METTL15: variants seen among roughly 807,000 people sequenced by gnomAD.
The protein encoded by METTL15 is 12S rRNA N(4)-cytidine methyltransferase METTL15.
Under a neutral mutation model 38.3 loss-of-function variants are expected in METTL15, and 34 were observed. That is an observed-to-expected ratio of 0.89 (90% confidence interval 0.68 to 1.18). METTL15 has a LOEUF of 1.18. Among genes scored for constraint, METTL15 ranks in the 50% most tolerant of loss-of-function variants. METTL15 has a pLI of 0.00. For synonymous variants in METTL15, 162 were observed against 170.9 expected (o/e 0.95, Z 0.41); for missense variants, 438 against 498.4 (o/e 0.88, Z 1.15).
intron 6 of METTL15, chr11:28,526,343 C>G (rs1281845740): frequency 6.5e-6 from 1 of 154,150 alleles, no homozygotes; most frequent in East Asian, 1.9e-4. Flanking sequence ...ATGCTGTCAC[C>G]TCTCAGTTAT....
At chr11:28,326,821 T>C (rs942398168) in intron 6 of METTL15, among the ~76,000 whole-genome samples, 6 of 152,074 alleles carry the variant, frequency 3.9e-5, no homozygotes, top group African/African-American at 1.4e-4. Context: ...GGTTTCACCA[T>C]GTTGCCCAGG....
chr11:28,183,766 G>A (rs998600202), intron 3 of METTL15, among the ~76,000 whole-genome samples: 7 of 151,978 alleles, frequency 4.6e-5, no homozygotes, highest in Non-Finnish European at 7.4e-5. Flanking sequence ...GATGATGCTG[G>A]CCTCATAAAA....
At chr11:28,432,443 A>G (rs1295560677) in intron 6 of METTL15, among the ~76,000 whole-genome samples, 1 of 152,204 alleles carries the variant, frequency 6.6e-6, no homozygotes, top group Non-Finnish European at 1.5e-5. Flanking sequence ...CTCCTTGGAA[A>G]AATGTATTGG....
chr11:28,490,363 T>C (rs909281255), intron 6 of METTL15, among the ~76,000 whole-genome samples: 2 of 152,146 alleles, frequency 1.3e-5, no homozygotes, highest in Non-Finnish European at 2.9e-5. Context: ...CATTCTTACA[T>C]TGATTTTTCC....
At chr11:28,526,441 C>A (rs1851812914) in intron 6 of METTL15, 1 of 152,248 alleles carries the variant, frequency 6.6e-6, no homozygotes, top group Non-Finnish European at 1.5e-5. Context: ...TTGCTCATAG[C>A]ATTTCTTTAT....
chr11:28,132,266 A>G (rs1849363436), intron 3 of METTL15, among the ~76,000 whole-genome samples: 1 of 152,180 alleles, frequency 6.6e-6, no homozygotes, highest in African/African-American at 2.4e-5. Flanking sequence ...AAAATGGAAT[A>G]GTATAATGGT....
intron 3 of METTL15, among the ~76,000 whole-genome samples, chr11:28,179,046 TAAAAG>T (rs963316972): frequency 2.6e-5 from 4 of 151,788 alleles, no homozygotes; most frequent in African/African-American, 7.2e-5. Context: ...CAATTTATGA[TAAAAG>T]AAAACATTTC....
intron 4 of METTL15, among the ~76,000 whole-genome samples, chr11:28,272,679 G>A (rs1024753439): frequency 4.6e-5 from 7 of 152,036 alleles, no homozygotes; most frequent in African/African-American, 1.7e-4. Context: ...TAACAAACCT[G>A]CACATTCTGC....
At chr11:28,226,017 A>G (rs1274862776) in intron 4 of METTL15, among the ~76,000 whole-genome samples, 1 of 151,976 alleles carries the variant, frequency 6.6e-6, no homozygotes, top group African/African-American at 2.4e-5. Context: ...TCAGCTAATT[A>G]GAAGTTATCT....
chr11:28,168,181 C>T (rs1850721437), intron 3 of METTL15, among the ~76,000 whole-genome samples: 1 of 151,814 alleles, frequency 6.6e-6, no homozygotes, highest in Admixed American at 6.6e-5. Context: ...TTGAACACTT[C>T]TATATTCAGG....
At chr11:28,412,444 CGA>C (rs369213584) in intron 5 of METTL15, among the ~76,000 whole-genome samples, 17 of 146,380 alleles carry the variant, frequency 1.2e-4, no homozygotes, top group South Asian at 2.2e-4. Flanking sequence ...AGAGACCAAA[CGA>C]GAGAGAGAGA....
chr11:28,363,664 T>C (rs961886991), intron 5 of METTL15, among the ~76,000 whole-genome samples: 10 of 152,250 alleles, frequency 6.6e-5, no homozygotes, highest in African/African-American at 2.4e-4. Context: ...GTAATTTATA[T>C]TGCTGTGCAG....
chr11:28,309,024 A>G (rs1225796975), intron 6 of METTL15, among the ~76,000 whole-genome samples: 3 of 152,168 alleles, frequency 2.0e-5, no homozygotes, highest in Non-Finnish European at 4.4e-5. Flanking sequence ...AGATACATAG[A>G]TAGATGGCTC....
chr11:28,195,421 G>A (rs1851873265), intron 3 of METTL15, among the ~76,000 whole-genome samples: 1 of 151,922 alleles, frequency 6.6e-6, no homozygotes, highest in South Asian at 2.1e-4. Flanking sequence ...CTGGGGTAAG[G>A]TGGTATCTCA....
intron 3 of METTL15, chr11:28,197,674 C>G (rs1384454435): frequency 3.5e-6 from 1 of 283,698 alleles, no homozygotes; most frequent in African/African-American, 2.2e-5. Context: ...TCTATTTCTC[C>G]CTGCAATATG....
intron 5 of METTL15, among the ~76,000 whole-genome samples, chr11:28,405,967 G>C (rs756000580): frequency 1.3e-5 from 2 of 152,112 alleles, no homozygotes; most frequent in African/African-American, 2.4e-5. Context: ...ATTGGACTCT[G>C]TGTCTGTTTT....
At chr11:28,178,543 A>G (rs2133777541) in intron 3 of METTL15, among the ~76,000 whole-genome samples, 1 of 150,944 alleles carries the variant, frequency 6.6e-6, no homozygotes, top group South Asian at 2.1e-4. Flanking sequence ...TATTAGCAGT[A>G]TTATCATTAC....
At chr11:28,500,589 A>G (rs1236339461) in intron 6 of METTL15, among the ~76,000 whole-genome samples, 1 of 151,776 alleles carries the variant, frequency 6.6e-6, no homozygotes, top group Non-Finnish European at 1.5e-5. Context: ...CTGGAGTGCA[A>G]TGGCGAGATC....
chr11:28,251,220 T>C (rs1854729499), intron 4 of METTL15, among the ~76,000 whole-genome samples: 2 of 152,178 alleles, frequency 1.3e-5, no homozygotes, highest in Non-Finnish European at 2.9e-5. Flanking sequence ...CCAAATCTTA[T>C]ATTCTCAAGC....
Sources: allele counts gnomAD v4.1 joint callset (sites outside exome capture counted in the v4.1 genomes callset), GRCh38; gene constraint gnomAD v4.1.1; transcripts MANE v1.5; gene names NCBI Gene and HGNC (gene_info 2026-07-23, HGNC 2026-07-21).